The following TTLL4 variants were observed in gnomAD, a reference collection of about 807,000 sequenced individuals.
The protein encoded by TTLL4 is tubulin monoglutamylase TTLL4.
A neutral mutation model predicts 122.7 loss-of-function variants in TTLL4; 85 were observed. The ratio of observed to expected loss-of-function variants is 0.69; its 90% confidence interval spans 0.58 to 0.83. TTLL4 has a LOEUF of 0.83. Ranked by LOEUF, TTLL4 falls within the 40% of genes least tolerant of loss-of-function variation. The pLI is 0.00. For synonymous variants in TTLL4, 553 were observed against 563.0 expected (o/e 0.98, Z 0.25); for missense variants, 1,363 against 1,488.6 (o/e 0.92, Z 1.39).
At chr2:218,751,570 C>T in intron 15 of TTLL4, 134 bp from the exon 16 acceptor site, 4 of 1,351,290 alleles carry the variant, frequency 3.0e-6, no homozygotes, top group African/African-American at 1.5e-5. Context: ...CAACCTACTA[C>T]TCAAGTAACC....
At position 218,752,876 on chromosome 2, in the gene TTLL4, T is replaced by A; in HGVS notation, c.3090T>A (p.His1030Gln). 1.2e-6 allele frequency: 2 copies of A among 1,614,214 alleles called. No individual in the cohort carries two copies. Among genetic ancestry groups the A allele is most frequent in the Non-Finnish European group, 1.7e-6 (2 of 1,180,034 alleles). ...RGQFERIFPS[H>Q]ISSRYLRFFE... ...AGTTTGAACGAATTTTTCCTTCTCA[T>A]ATCTCCTCTCGCTATCTCCGCTTTT... Residue 1030 changes from histidine to glutamine, a missense_variant, in exon 17 of 20, where the codon CAT (histidine) becomes CAA (glutamine). By Grantham distance (24) the His-to-Gln change is conservative (BLOSUM62 0). Transcript: ENST00000392102.
At chr2:218,757,893 C>G (rs1943183265), downstream of TTLL4, among the ~76,000 whole-genome samples, 1 of 152,166 alleles carries the variant, frequency 6.6e-6, no homozygotes, top group Non-Finnish European at 1.5e-5. Flanking sequence ...TTAAGGCTTA[C>G]CTGTGACTGT....
At chr2:218,753,031 A>G in intron 17 of TTLL4, 58 bp downstream of exon 17, 1 of 1,613,246 alleles carries the variant, frequency 6.2e-7, no homozygotes, top group Non-Finnish European at 8.5e-7. Flanking sequence ...AAATCCCAGT[A>G]TACCAAGAAA....
intron 14 of TTLL4, among the ~76,000 whole-genome samples, chr2:218,749,736 G>T (rs1465144461): frequency 6.6e-6 from 1 of 152,130 alleles, no homozygotes; most frequent in Non-Finnish European, 1.5e-5. Context: ...CAAAGTGCTG[G>T]GATTACAGAT....
In TTLL4 at chr2:218,754,647, G is replaced by T; in HGVS notation, c.*258G>T. On this transcript the variant is annotated 3_prime_UTR_variant, in exon 20 of 20. Transcript: ENST00000392102. ...ACCTCATATCTCAGCAGAGAAGCCA[G>T]TGGTGGCCACGCAGCCTTATAAAGC... 3 of 556,272 alleles carry T rather than the reference G, an allele frequency of 5.4e-6. No homozygotes were observed. The highest frequency in any genetic ancestry group is 3.2e-5 in the Admixed American group (1 of 31,208). 34.5% of individuals were successfully genotyped at this position (556,272 alleles called of 1,614,324 possible).
intron 5 of TTLL4, 144 bp downstream of exon 5, chr2:218,740,728 T>C: frequency 1.1e-6 from 1 of 912,748 alleles, no homozygotes; most frequent in South Asian, 1.5e-5. Context: ...CTTTAGTTTT[T>C]GAACAGGGAG....
rs1337023305 is a variant in TTLL4 at position 218,755,239 on chromosome 2, A to C, written c.*850A>C. Reference sequence around the variant, plus strand: ...GATGTGGTTTCTCTATAGTGCAACAAACATGGTTTCTCAATGTTCTGCTGT... The same window carrying C: ...GATGTGGTTTCTCTATAGTGCAACACACATGGTTTCTCAATGTTCTGCTGT... On this transcript the variant is annotated 3_prime_UTR_variant, in exon 20 of 20. Coordinates refer to ENST00000392102, the MANE Select transcript of TTLL4 (RefSeq NM_014640.5). 1 of 152,172 alleles carries C rather than the reference A, an allele frequency of 6.6e-6. No homozygotes were observed. Among genetic ancestry groups the C allele is most frequent in the Non-Finnish European group, 1.5e-5 (1 of 68,080 alleles). The allele number at this position is 152,172 out of a possible 1,614,324, so 9.4% of individuals were successfully genotyped here.
chr2:218,724,872 A>C (rs923911626), intron 1 of TTLL4, among the ~76,000 whole-genome samples: 68 of 152,206 alleles, frequency 4.5e-4, no homozygotes, highest in African/African-American at 1.6e-3. Context: ...TGAGACTTAT[A>C]AAAAACAGCT....
In TTLL4 at chr2:218,747,245, A is replaced by G; in HGVS notation, c.2167-45A>G. ...ACTATGGTCTGTGAGTGGGAACAAC[A>G]GAGTATTGGACCTGGAGCAAATCTC... On this transcript the variant is annotated intron_variant, in intron 9 of 19. Transcript: ENST00000392102. The surrounding 1 kb of genome is among the most constrained non-coding windows in gnomAD (Gnocchi z 4.7). 3.1e-6 allele frequency: 5 copies of G among 1,614,120 alleles called. No homozygotes were observed. Among genetic ancestry groups the G allele is most frequent in the Non-Finnish European group, 4.2e-6 (5 of 1,180,004 alleles).
intron 19 of TTLL4, 104 bp from the exon 20 acceptor site, chr2:218,754,030 A>T (rs1360987061): frequency 6.6e-7 from 1 of 1,513,650 alleles, no homozygotes; most frequent in African/African-American, 1.4e-5. Flanking sequence ...GGCCTACAAC[A>T]CTGTAATGTC....
chr2:218,752,624 A>G lies in TTLL4; in HGVS notation c.2977-139A>G. 18 of 816,846 alleles carry G rather than the reference A, an allele frequency of 2.2e-5. No individual in the cohort carries two copies. The South Asian group carries it at 2.7e-4, about 12-fold the overall frequency. 50.6% of individuals were successfully genotyped at this position (816,846 alleles called of 1,614,324 possible). On this transcript the variant is annotated intron_variant, in intron 16 of 19. Coordinates refer to ENST00000392102, the MANE Select transcript of TTLL4 (RefSeq NM_014640.5). ...AGATGTCTTTCAGAGCTGGCCCACTAGGCTGCCCTCAGTAGTTCCATGAGA... is the reference window on the plus strand; with the variant it reads ...AGATGTCTTTCAGAGCTGGCCCACTGGGCTGCCCTCAGTAGTTCCATGAGA...
intron 4 of TTLL4, 133 bp downstream of exon 4, chr2:218,740,300 G>A: frequency 1.0e-6 from 1 of 954,282 alleles, no homozygotes. Flanking sequence ...CTTAAGTGGG[G>A]GTAGTGCCTT....
In TTLL4 at chr2:218,754,438, C is replaced by T. The variant is rs962049248; in HGVS notation, c.*49C>T. On this transcript the variant is annotated 3_prime_UTR_variant, in exon 20 of 20. Coordinates refer to ENST00000392102, the MANE Select transcript of TTLL4 (RefSeq NM_014640.5). ...GCCCAGGAGCATGGGCATCAGCTAC[C>T]TCACGGGAACCAGCCTGCTGTTCAG... The T allele has an allele frequency of 3.5e-5, 56 of 1,606,854 alleles. No individual in the cohort carries two copies. Among genetic ancestry groups the T allele is most frequent in the Non-Finnish European group, 4.7e-5 (55 of 1,176,766 alleles).
chr2:218,724,728 G>A (rs1032359037), intron 1 of TTLL4, among the ~76,000 whole-genome samples: 4 of 151,904 alleles, frequency 2.6e-5, no homozygotes, highest in African/African-American at 9.7e-5. Context: ...CCATTTTGCT[G>A]CTTGATTTGT....
rs1486834040 is a variant in TTLL4 at position 218,753,568 on chromosome 2, C to T, written c.3259-16C>T. ...TCCGCCAAGCCTTTTGGTCTCATTGCTTCCTTTGCTCTTAGTGGTCTCTCC... is the reference window on the plus strand; with the variant it reads ...TCCGCCAAGCCTTTTGGTCTCATTGTTTCCTTTGCTCTTAGTGGTCTCTCC... On this transcript the variant is annotated splice_polypyrimidine_tract_variant and intron_variant, in intron 18 of 19. Transcript: ENST00000392102. The T allele has an allele frequency of 4.1e-5, 66 of 1,613,742 alleles. No homozygotes were observed. Among genetic ancestry groups the T allele is most frequent in the Non-Finnish European group, 5.5e-5 (65 of 1,179,872 alleles).
intron 1 of TTLL4, among the ~76,000 whole-genome samples, chr2:218,725,422 C>T (rs1156613678): frequency 6.7e-6 from 1 of 150,342 alleles, no homozygotes; most frequent in Non-Finnish European, 1.5e-5. Context: ...GATAGGATCT[C>T]ACTATGTTTC....
Position 218,752,778 on chromosome 2 carries a change from G to C in TTLL4, c.2992G>C (p.Val998Leu), listed in dbSNP as rs1363649272. 1.9e-6 allele frequency: 3 copies of C among 1,614,068 alleles called. No homozygotes were observed. In the African/African-American group the frequency reaches 4.0e-5, roughly 22 times the overall value. Residue 998 changes from valine to leucine, a missense_variant, in exon 17 of 20, where the codon GTG becomes CTG. Coordinates refer to ENST00000392102, the MANE Select transcript of TTLL4 (RefSeq NM_014640.5). ...KIPDQDFYAS[V>L]LDVLTPDDVR... ...TGGACCACAGGACTTCTATGCATCTGTGCTGGATGTCCTGACACCAGATGA... is the reference window on the plus strand; with the variant it reads ...TGGACCACAGGACTTCTATGCATCTCTGCTGGATGTCCTGACACCAGATGA...
chr2:218,739,892 G>C (rs768205229), intron 3 of TTLL4, among the ~76,000 whole-genome samples, 166 bp from the exon 4 acceptor site: 2 of 152,232 alleles, frequency 1.3e-5, no homozygotes, highest in Non-Finnish European at 2.9e-5. Context: ...GCTATGCCTA[G>C]ACCTAAGCTT....
rs548186206 is a variant in TTLL4, at chr2:218,730,311, C to CAAAAAAAAAAAAAAAAAAAAAAAAAA, written c.-99+2977_-99+3002dup. Among the ~76,000 whole-genome samples, 7 of 14,302 alleles carry CAAAAAAAAAAAAAAAAAAAAAAAAAA rather than the reference C, an allele frequency of 4.9e-4. 2 individuals carry two copies. The highest frequency in any genetic ancestry group is 0.062 in the Middle Eastern group (1 of 16). 9.4% of individuals were successfully genotyped at this position (14,302 alleles called of 152,430 possible). ...TGAAACCCCATCTTTACTAAAAATC[C>CAAAAAAAAAAAAAAAAAAAAAAAAAA]AAAAAAAAAAAAAAAAAAAAAAAAA... On this transcript the variant is annotated intron_variant, in intron 2 of 19. Transcript: ENST00000392102.
Sources: allele counts gnomAD v4.1 joint callset (sites outside exome capture counted in the v4.1 genomes callset), GRCh38; gene constraint gnomAD v4.1.1; non-coding constraint Gnocchi (gnomAD v3.1); transcripts MANE v1.5; gene names NCBI Gene and HGNC (gene_info 2026-07-23, HGNC 2026-07-21).